DAB1: variants seen among roughly 807,000 people sequenced by gnomAD.
The protein encoded by DAB1 is disabled homolog 1.
In DAB1, 15 loss-of-function variants were observed where a neutral mutation model predicts 64.6. The ratio of observed to expected loss-of-function variants is 0.23; its 90% CI spans 0.16 to 0.36. The LOEUF is 0.36. Ranked by LOEUF, DAB1 falls within the 10% of genes least tolerant of loss-of-function variation. The pLI is 1.00. For missense variants in DAB1, 596 were observed against 706.7 expected (o/e 0.84, Z 1.78); for synonymous variants, 235 against 251.9 (o/e 0.93, Z 0.64).
At chr1:58,345,501 T>G (rs1200753333) in intron 3 of DAB1, among the ~76,000 whole-genome samples, 1 of 152,206 alleles carries the variant, frequency 6.6e-6, no homozygotes, top group Non-Finnish European at 1.5e-5. Context: ...TTCCCTGGTC[T>G]TCGGGCTTCC....
chr1:57,037,065 T>C (rs1163258749), intron 9 of DAB1, among the ~76,000 whole-genome samples: 1 of 152,188 alleles, frequency 6.6e-6, no homozygotes, highest in African/African-American at 2.4e-5. Flanking sequence ...CAGCTACTAA[T>C]GCCAGAGCCA....
intron 7 of DAB1, among the ~76,000 whole-genome samples, chr1:57,535,374 T>A (rs1382701017): frequency 6.6e-6 from 1 of 152,170 alleles, no homozygotes; most frequent in East Asian, 1.9e-4. Context: ...AATGAATGAT[T>A]TAGTACCCCG....
At chr1:57,500,661 C>T (rs1008667963) in intron 7 of DAB1, among the ~76,000 whole-genome samples, 26 of 152,072 alleles carry the variant, frequency 1.7e-4, no homozygotes, top group East Asian at 1.4e-3. Flanking sequence ...CTCAAGATTT[C>T]GTTTATGCCA....
chr1:58,238,503 T>C (rs1224083393), intron 4 of DAB1, among the ~76,000 whole-genome samples: 2 of 152,060 alleles, frequency 1.3e-5, no homozygotes, highest in Non-Finnish European at 2.9e-5. Context: ...ACAGAAAGAA[T>C]ACTACAAAGG....
chr1:57,802,665 G>A (rs1220097056), intron 6 of DAB1, among the ~76,000 whole-genome samples: 1 of 152,074 alleles, frequency 6.6e-6, no homozygotes, highest in Non-Finnish European at 1.5e-5. Context: ...GTTCTCATGA[G>A]ATCTGGTTGT....
At chr1:57,137,551 G>A (rs972866425) in intron 3 of DAB1, among the ~76,000 whole-genome samples, 1 of 134,680 alleles carries the variant, frequency 7.4e-6, no homozygotes, top group Admixed American at 7.4e-5. Flanking sequence ...GGTACAACTC[G>A]GGAGATAAAG....
At chr1:58,450,444 G>A (rs577259394) in intron 3 of DAB1, among the ~76,000 whole-genome samples, 16 of 152,142 alleles carry the variant, frequency 1.1e-4, no homozygotes, top group African/African-American at 3.1e-4. Flanking sequence ...TTAGTGACTC[G>A]CTTCCAAAAA....
chr1:57,606,292 CCCA>C (rs1243673905), intron 7 of DAB1: 2 of 153,432 alleles, frequency 1.3e-5, no homozygotes, highest in Admixed American at 1.5e-4. Context: ...GGATGATAGC[CCCA>C]CACCACTTGC....
intron 6 of DAB1, among the ~76,000 whole-genome samples, chr1:57,685,935 C>G (rs1288989415): frequency 2.0e-5 from 3 of 152,058 alleles, no homozygotes; most frequent in Non-Finnish European, 2.9e-5. Context: ...GTTTATAACA[C>G]TACATGCCTT....
chr1:57,685,675 A>G (rs986659612), intron 6 of DAB1, among the ~76,000 whole-genome samples: 5 of 151,904 alleles, frequency 3.3e-5, no homozygotes, highest in Admixed American at 2.6e-4. Context: ...GCAAGTCTCA[A>G]TGACTCTAAA....
At chr1:58,207,170 G>C (rs769016400) in intron 4 of DAB1, among the ~76,000 whole-genome samples, 1 of 152,204 alleles carries the variant, frequency 6.6e-6, no homozygotes, top group Non-Finnish European at 1.5e-5. Flanking sequence ...CATCCTACAT[G>C]AGTCAAGCCC....
intron 3 of DAB1, among the ~76,000 whole-genome samples, chr1:58,425,698 G>A (rs79422889): frequency 0.012 from 1,808 of 152,128 alleles, 43 homozygotes; most frequent in African/African-American, 0.041. Context: ...GTGAGAAGGA[G>A]TTTTAAAAAG....
chr1:57,842,402 CAA>C (rs1653094691), intron 1 of DAB1, among the ~76,000 whole-genome samples: 2 of 152,290 alleles, frequency 1.3e-5, no homozygotes, highest in Admixed American at 1.3e-4. Flanking sequence ...TTACCTAGTT[CAA>C]AAGTCACTTC....
intron 2 of DAB1, among the ~76,000 whole-genome samples, chr1:57,269,285 T>G (rs1670812714): frequency 1.3e-5 from 2 of 152,108 alleles, no homozygotes; most frequent in Admixed American, 1.3e-4. Context: ...CATGCAGGGA[T>G]GGAGGGTGAA....
At chr1:57,641,888 G>C (rs187083316) in intron 7 of DAB1, among the ~76,000 whole-genome samples, 1 of 152,020 alleles carries the variant, frequency 6.6e-6, no homozygotes, top group Non-Finnish European at 1.5e-5. Flanking sequence ...TACAGGCTCC[G>C]AGATTTAGGG....
intron 7 of DAB1, among the ~76,000 whole-genome samples, chr1:57,612,973 AC>A (rs1259879244): frequency 1.3e-5 from 2 of 152,154 alleles, no homozygotes; most frequent in African/African-American, 4.8e-5. Context: ...CAAGGACTGT[AC>A]CTTATTGCTG....
intron 1 of DAB1, among the ~76,000 whole-genome samples, chr1:57,857,686 A>G (rs1274129940): frequency 1.3e-5 from 2 of 152,156 alleles, no homozygotes; most frequent in Non-Finnish European, 2.9e-5. Flanking sequence ...CCATTCAACC[A>G]TCTACTATTT....
At chr1:57,632,600 G>A (rs1283870908) in intron 7 of DAB1, among the ~76,000 whole-genome samples, 1 of 152,174 alleles carries the variant, frequency 6.6e-6, no homozygotes, top group Non-Finnish European at 1.5e-5. Flanking sequence ...GAAGGTTGGG[G>A]TGGAGTTGAA....
intron 7 of DAB1, among the ~76,000 whole-genome samples, chr1:57,525,939 CT>C (rs11299622): frequency 0.2 from 27,362 of 137,538 alleles, 2,240 homozygotes; most frequent in South Asian, 0.37. Flanking sequence ...AATAGCATTT[CT>C]TTTTTTTTTT....
Sources: allele counts gnomAD v4.1 joint callset (sites outside exome capture counted in the v4.1 genomes callset), GRCh38; gene constraint gnomAD v4.1.1; transcripts MANE v1.5; gene names NCBI Gene and HGNC (gene_info 2026-07-23, HGNC 2026-07-21).